Variants in ATP8A2 observed in about 807,000 individuals in gnomAD.
ATP8A2 encodes phospholipid-transporting ATPase IB.
In ATP8A2, 100 loss-of-function variants were observed where a neutral mutation model predicts 165.6. The ratio of observed to expected loss-of-function variants is 0.60; its 90% CI spans 0.51 to 0.71. The LOEUF (loss-of-function observed/expected upper bound fraction) is 0.71. Ranked by LOEUF, ATP8A2 falls within the 30% of genes least tolerant of loss-of-function variation. The pLI, the probability that ATP8A2 is intolerant of heterozygous loss-of-function variation, is 0.00. For synonymous variants in ATP8A2, 543 were observed against 548.8 expected, an observed-to-expected ratio of 0.99 and a Z score of 0.15; for missense variants, 1,227 against 1,479.5, an observed-to-expected ratio of 0.83 and a Z score of 2.80.
At chr13:25,541,207 T>C (rs1442133967) in intron 8 of ATP8A2, among the ~76,000 whole-genome samples, 1 of 152,176 alleles carries the variant, frequency 6.6e-6, no homozygotes, top group Non-Finnish European at 1.5e-5. Context: ...TTTTAAGCAC[T>C]TTGAAGCTTA....
At position 25,953,429 on chromosome 13, in the gene ATP8A2, G is replaced by A. The variant is rs569939664; in HGVS notation, c.3184-8146G>A. 4.0e-5 allele frequency among the ~76,000 whole-genome samples: 6 copies of A among 149,690 alleles called. No individual in the cohort carries two copies. Among genetic ancestry groups the A allele is most frequent in the African/African-American group, 1.5e-4 (6 of 40,714 alleles). On this transcript the variant is annotated intron_variant, in intron 33 of 36. Coordinates refer to ENST00000381655, the MANE Select transcript of ATP8A2 (RefSeq NM_016529.6). This position sits in a 1 kb window ranked among gnomAD's most constrained non-coding sequence, Gnocchi z 6.7. Reference sequence around the variant, plus strand: ...GCTTCCTTCTCCTCACAGGTGAACTGTTGCTGCTCCACCTTTATTACATCT... The same window carrying A: ...GCTTCCTTCTCCTCACAGGTGAACTATTGCTGCTCCACCTTTATTACATCT...
intron 1 of ATP8A2, among the ~76,000 whole-genome samples, chr13:25,461,235 T>C (rs1443363036): frequency 6.6e-6 from 1 of 152,206 alleles, no homozygotes; most frequent in East Asian, 1.9e-4. Flanking sequence ...GAGATGCAGT[T>C]TGTGCAAAGG....
At chr13:25,744,476 A>G (rs1218685824) in intron 25 of ATP8A2, among the ~76,000 whole-genome samples, 1 of 152,222 alleles carries the variant, frequency 6.6e-6, no homozygotes, top group African/African-American at 2.4e-5. Flanking sequence ...TAGTCCTTTC[A>G]AAAGAACTAA....
intron 30 of ATP8A2, among the ~76,000 whole-genome samples, chr13:25,846,392 A>T (rs577686346): frequency 6.6e-6 from 1 of 152,238 alleles, no homozygotes; most frequent in African/African-American, 2.4e-5. Context: ...AGCTTTAAGG[A>T]CTGCTTCCTG....
intron 1 of ATP8A2, among the ~76,000 whole-genome samples, chr13:25,428,357 G>A (rs2138133742): frequency 6.6e-6 from 1 of 152,164 alleles, no homozygotes; most frequent in East Asian, 1.9e-4. Context: ...CTACTTCTTG[G>A]TGTTAACTTG....
intron 35 of ATP8A2, among the ~76,000 whole-genome samples, chr13:25,976,350 G>A (rs117363769): frequency 8.5e-5 from 13 of 152,202 alleles, no homozygotes; most frequent in East Asian, 5.8e-4. Flanking sequence ...AAGGCGATGA[G>A]GCCTCAGAGA....
chr13:25,962,416 A>C (rs1263544000), intron 34 of ATP8A2, among the ~76,000 whole-genome samples: 1 of 152,236 alleles, frequency 6.6e-6, no homozygotes, highest in Non-Finnish European at 1.5e-5. Flanking sequence ...TGTAGGTTAA[A>C]TAGGAAATCA....
At chr13:25,997,558 C>T (rs1317973864) in intron 35 of ATP8A2, among the ~76,000 whole-genome samples, 1 of 152,160 alleles carries the variant, frequency 6.6e-6, no homozygotes, top group African/African-American at 2.4e-5. Context: ...ACTCTGAAGA[C>T]GTGAATGTTA....
rs73472423 is a variant in ATP8A2 at position 25,382,249 on chromosome 13, C to T, written c.76+9961C>T. 2.0e-3 allele frequency among the ~76,000 whole-genome samples: 312 copies of T among 152,354 alleles called. 1 individual carries two copies. Among genetic ancestry groups the T allele is most frequent in the African/African-American group, 7.1e-3 (297 of 41,594 alleles). Reference sequence around the variant, plus strand: ...ATATGCATTTAACATTCCCCCATGTCATTTCATGGCTTGATAGCTCATTTC... The same window carrying T: ...ATATGCATTTAACATTCCCCCATGTTATTTCATGGCTTGATAGCTCATTTC... On this transcript the variant is annotated intron_variant, in intron 1 of 36. Transcript: ENST00000381655.
intron 1 of ATP8A2, among the ~76,000 whole-genome samples, chr13:25,381,194 C>A (rs952938579): frequency 6.6e-6 from 1 of 152,172 alleles, no homozygotes; most frequent in African/African-American, 2.4e-5. Flanking sequence ...CATGATAAAT[C>A]TTAGTGTCCT....
intron 1 of ATP8A2, among the ~76,000 whole-genome samples, chr13:25,445,726 G>T (rs1307867421): frequency 6.6e-6 from 1 of 152,166 alleles, no homozygotes; most frequent in Non-Finnish European, 1.5e-5. Context: ...GTAGATGGTG[G>T]CTGGGTGTGG....
intron 1 of ATP8A2, among the ~76,000 whole-genome samples, chr13:25,429,607 A>G (rs2034549253): frequency 6.6e-6 from 1 of 152,168 alleles, no homozygotes; most frequent in South Asian, 2.1e-4. Flanking sequence ...ATAGACTGCC[A>G]CATAACGTGT....
chr13:25,374,440 C>A (rs1425819662), intron 1 of ATP8A2, among the ~76,000 whole-genome samples: 2 of 152,134 alleles, frequency 1.3e-5, no homozygotes, highest in Non-Finnish European at 2.9e-5. Flanking sequence ...GGGGGAGAAG[C>A]AGATCGAGTG....
At chr13:25,409,436 A>T (rs955305223) in intron 1 of ATP8A2, among the ~76,000 whole-genome samples, 1 of 152,218 alleles carries the variant, frequency 6.6e-6, no homozygotes, top group Admixed American at 6.5e-5. Flanking sequence ...GCCAAGCCAA[A>T]ATATGAAAGA....
intron 25 of ATP8A2, among the ~76,000 whole-genome samples, chr13:25,711,760 A>G (rs946295703): frequency 6.6e-6 from 1 of 152,200 alleles, no homozygotes; most frequent in Non-Finnish European, 1.5e-5. Context: ...GGAATGGACT[A>G]TGATCCAGAT....
chr13:25,936,901 G>A (rs1954908041), intron 33 of ATP8A2, among the ~76,000 whole-genome samples: 1 of 152,170 alleles, frequency 6.6e-6, no homozygotes, highest in African/African-American at 2.4e-5. Context: ...CTATGAAAGG[G>A]TTTTACTTTT....
At chr13:25,883,968 G>A (rs1953060347) in intron 33 of ATP8A2, among the ~76,000 whole-genome samples, 1 of 152,124 alleles carries the variant, frequency 6.6e-6, no homozygotes, top group Admixed American at 6.5e-5. Context: ...AAGGAGTATG[G>A]GTCTCTGGTT....
chr13:25,401,031 A>G (rs2033619534), intron 1 of ATP8A2, among the ~76,000 whole-genome samples: 1 of 152,202 alleles, frequency 6.6e-6, no homozygotes, highest in Non-Finnish European at 1.5e-5. Flanking sequence ...GGAATCATTT[A>G]TAGCTAACTT....
At chr13:25,412,329 C>G (rs987323713) in intron 1 of ATP8A2, among the ~76,000 whole-genome samples, 2 of 152,096 alleles carry the variant, frequency 1.3e-5, no homozygotes, top group Admixed American at 1.3e-4. Flanking sequence ...TGAGAAATTG[C>G]TTATTCTATA....
Sources: gnomAD v4.1 joint callset for allele counts (sites outside exome capture counted in the v4.1 genomes callset) on GRCh38, gnomAD v4.1.1 for gene constraint, Gnocchi (gnomAD v3.1) non-coding constraint, MANE v1.5 for transcripts, NCBI Gene and HGNC (gene_info 2026-07-23, HGNC 2026-07-21) for gene names.